The following ZFPM2 variants were observed in gnomAD, a reference collection of about 807,000 sequenced individuals.
ZFPM2 encodes the protein zinc finger protein, FOG family member 2, also known as zinc finger protein ZFPM2.
Under a neutral mutation model 98.6 loss-of-function variants are expected in ZFPM2, and 20 were observed. That is an observed-to-expected ratio of 0.20 (90% CI 0.14 to 0.29). The LOEUF (loss-of-function observed/expected upper bound fraction) is 0.29. ZFPM2 is among the 10% of genes least tolerant of loss of function. The pLI is 1.00. For synonymous variants in ZFPM2, 518 were observed against 502.7 expected (o/e 1.03, Z -0.41); for missense variants, 1,310 against 1,388.6 (o/e 0.94, Z 0.90).
At chr8:105,518,021 A>T (rs528335044) in intron 3 of ZFPM2, among the ~76,000 whole-genome samples, 5 of 152,232 alleles carry the variant, frequency 3.3e-5, no homozygotes, top group African/African-American at 1.2e-4. Context: ...CATGGATAAT[A>T]TTTTCCTCTG....
intron 3 of ZFPM2, among the ~76,000 whole-genome samples, chr8:105,534,034 C>CCCTTCCTCCCTT (rs755274506): frequency 4.6e-5 from 1 of 21,716 alleles, no homozygotes; most frequent in Admixed American, 4.9e-4. Context: ...CTTCCTCCCT[C>CCCTTCCTCCCTT]CCTCCCTCCC....
intron 1 of ZFPM2, among the ~76,000 whole-genome samples, chr8:105,373,498 G>A (rs1311614497): frequency 6.6e-6 from 1 of 152,102 alleles, no homozygotes; most frequent in Non-Finnish European, 1.5e-5. Context: ...AATTTCACAG[G>A]AGAGAGCTTC....
intron 5 of ZFPM2, among the ~76,000 whole-genome samples, chr8:105,751,756 G>A (rs953316173): frequency 2.0e-5 from 3 of 151,638 alleles, no homozygotes; most frequent in Non-Finnish European, 4.4e-5. Flanking sequence ...CTTTTAAAAT[G>A]GATGGTGCTG....
chr8:105,686,718 C>T (rs1162369407), intron 5 of ZFPM2, among the ~76,000 whole-genome samples: 1 of 152,086 alleles, frequency 6.6e-6, no homozygotes, highest in Non-Finnish European at 1.5e-5. Context: ...TTTTAACATT[C>T]ATAGTTAGCA....
At chr8:105,439,294 A>G (rs147228958) in intron 2 of ZFPM2, among the ~76,000 whole-genome samples, 1 of 152,116 alleles carries the variant, frequency 6.6e-6, no homozygotes, top group Non-Finnish European at 1.5e-5. Context: ...TTGTTTGTTA[A>G]TGGGTTGCTC....
At chr8:105,691,785 A>C (rs1274557915) in intron 5 of ZFPM2, among the ~76,000 whole-genome samples, 1 of 152,218 alleles carries the variant, frequency 6.6e-6, no homozygotes, top group Non-Finnish European at 1.5e-5. Flanking sequence ...ATTAGTACGT[A>C]GAATAGTTCC....
At chr8:105,498,522 T>G (rs1365635216) in intron 3 of ZFPM2, among the ~76,000 whole-genome samples, 1 of 152,212 alleles carries the variant, frequency 6.6e-6, no homozygotes, top group Non-Finnish European at 1.5e-5. Flanking sequence ...AGTTTAGCAA[T>G]TATTTTGTAG....
At chr8:105,615,007 C>T (rs1816384698) in intron 4 of ZFPM2, among the ~76,000 whole-genome samples, 2 of 152,056 alleles carry the variant, frequency 1.3e-5, no homozygotes, top group Admixed American at 6.6e-5. Flanking sequence ...AAACTTTCTT[C>T]CATGTGTTGT....
chr8:105,714,869 C>G (rs1193824340), intron 5 of ZFPM2, among the ~76,000 whole-genome samples: 2 of 152,060 alleles, frequency 1.3e-5, no homozygotes, highest in Non-Finnish European at 2.9e-5. Context: ...TGTCTTTCTA[C>G]AGCCAGTACA....
intron 3 of ZFPM2, among the ~76,000 whole-genome samples, chr8:105,445,857 A>C (rs1172933794): frequency 1.3e-5 from 2 of 151,622 alleles, no homozygotes; most frequent in African/African-American, 4.8e-5. Flanking sequence ...TGCCCGACTC[A>C]TCCTCCCAAG....
At chr8:105,563,092 C>A (rs536788122) in intron 4 of ZFPM2, among the ~76,000 whole-genome samples, 1 of 152,246 alleles carries the variant, frequency 6.6e-6, no homozygotes, top group Non-Finnish European at 1.5e-5. Context: ...AGTCTTGTGA[C>A]TTTTAAATGA....
intron 5 of ZFPM2, among the ~76,000 whole-genome samples, chr8:105,648,163 GC>G (rs1407166520): frequency 6.6e-6 from 1 of 152,172 alleles, no homozygotes; most frequent in Non-Finnish European, 1.5e-5. Flanking sequence ...TCTGTTGGCT[GC>G]ATAAATGTCT....
At chr8:105,404,067 C>T (rs1811394088) in intron 1 of ZFPM2, among the ~76,000 whole-genome samples, 1 of 151,890 alleles carries the variant, frequency 6.6e-6, no homozygotes, top group Non-Finnish European at 1.5e-5. Flanking sequence ...TGGCCCTAGG[C>T]GCTAGGTTCT....
intron 5 of ZFPM2, chr8:105,780,378 G>C (rs1406626714): frequency 2.0e-5 from 3 of 152,122 alleles, no homozygotes; most frequent in Non-Finnish European, 2.9e-5. Context: ...CATTACTATT[G>C]ATCATTCCTA....
intron 1 of ZFPM2, among the ~76,000 whole-genome samples, chr8:105,349,053 G>C (rs1194816900): frequency 6.6e-6 from 1 of 152,116 alleles, no homozygotes; most frequent in African/African-American, 2.4e-5. Context: ...AGAAAAAGAT[G>C]ATAAATGAGC....
intron 5 of ZFPM2, among the ~76,000 whole-genome samples, chr8:105,742,604 A>G (rs1812245605): frequency 6.6e-6 from 1 of 151,542 alleles, no homozygotes; most frequent in African/African-American, 2.4e-5. Context: ...TCAAATGATC[A>G]TCCAAGGCTG....
At chr8:105,726,532 G>A (rs756874794) in intron 5 of ZFPM2, among the ~76,000 whole-genome samples, 1 of 151,788 alleles carries the variant, frequency 6.6e-6, no homozygotes, top group Non-Finnish European at 1.5e-5. Flanking sequence ...ATTAGGACTG[G>A]TCAGTAAATA....
chr8:105,791,111 G>A (rs1230087610), intron 6 of ZFPM2, among the ~76,000 whole-genome samples: 1 of 152,166 alleles, frequency 6.6e-6, no homozygotes, highest in African/African-American at 2.4e-5. Context: ...GCCCTGGCCA[G>A]AACTTCCAAC....
chr8:105,383,762 A>G (rs1008427086), intron 1 of ZFPM2, among the ~76,000 whole-genome samples: 1 of 152,186 alleles, frequency 6.6e-6, no homozygotes, highest in Non-Finnish European at 1.5e-5. Context: ...GTTTGAATTG[A>G]CAATTGGAAT....
Sources: gnomAD v4.1 joint callset for allele counts (sites outside exome capture counted in the v4.1 genomes callset) on GRCh38, gnomAD v4.1.1 for gene constraint, MANE v1.5 for transcripts, NCBI Gene and HGNC (gene_info 2026-07-23, HGNC 2026-07-21) for gene names.